Variants in GALR1 observed in about 807,000 individuals in gnomAD.
GALR1 encodes galanin receptor type 1.
Under a neutral mutation model 17.9 loss-of-function variants are expected in GALR1, and 11 were observed. The observed-to-expected ratio is 0.62, with a 90% CI of 0.39 to 1.02. The LOEUF (loss-of-function observed/expected upper bound fraction) is 1.02, where lower values mean the gene tolerates loss of function less well. GALR1 is among the 50% of genes least tolerant of loss of function. The probability of loss-of-function intolerance (pLI) is 0.01; values close to 1 mark genes in which losing one functional copy is unlikely to be tolerated. For missense variants in GALR1, 441 were observed against 456.9 expected, an observed-to-expected ratio of 0.97 and a Z score of 0.32; for synonymous variants, 206 against 205.7, an observed-to-expected ratio of 1.00 and a Z score of -0.01.
chr18:77,277,798 A>G lies in GALR1; in HGVS notation c.*8896A>G, dbSNP rs1472504564. ...TATTAATCCAGTTAATGCCAAATCTAGTCATCCTCCATCATCCTACCTCTG... is the reference window on the plus strand; with the variant it reads ...TATTAATCCAGTTAATGCCAAATCTGGTCATCCTCCATCATCCTACCTCTG... On this transcript the variant is annotated 3_prime_UTR_variant, in exon 3 of 3. Coordinates refer to ENST00000299727, the MANE Select transcript of GALR1 (RefSeq NM_001480.4). The G allele has an allele frequency of 1.3e-5, 2 of 152,216 alleles. No individual in the cohort carries two copies. The highest frequency in any genetic ancestry group is 2.9e-5 in the Non-Finnish European group (2 of 68,042). 9.4% of individuals were successfully genotyped at this position (152,216 alleles called of 1,614,324 possible).
chr18:77,263,589 C>A (rs117894977), intron 2 of GALR1, among the ~76,000 whole-genome samples: 2 of 152,288 alleles, frequency 1.3e-5, no homozygotes, highest in East Asian at 1.9e-4. Context: ...CGATAGGGAG[C>A]TTAACTCTCA....
chr18:77,256,328 C>T, intron 2 of GALR1, 105 bp downstream of exon 2: 1 of 665,232 alleles, frequency 1.5e-6, no homozygotes, highest in East Asian at 2.7e-5. Flanking sequence ...ACATTTAGGA[C>T]CCTTGGTGTG....
In GALR1 at chr18:77,273,222, G is replaced by T. The variant is rs2156641; in HGVS notation, c.*4320G>T. The T allele has an allele frequency of 0.9, 137,041 of 152,344 alleles. 62,222 individuals are homozygous for T. The highest frequency in any genetic ancestry group is 0.97 in the Non-Finnish European group (66,179 of 68,158). 9.4% of individuals were successfully genotyped at this position (152,344 alleles called of 1,614,324 possible). A position where few individuals can be genotyped will look rare whatever the true frequency, so the allele number is the denominator to read the frequency against. On this transcript the variant is annotated 3_prime_UTR_variant, in exon 3 of 3. Coordinates refer to ENST00000299727, the MANE Select transcript of GALR1 (RefSeq NM_001480.4). ...CTGTGGTGCCTGGTGCTACTCACAG[G>T]GCTGACTCACGGGCAGATGCTCCCC...
intron 1 of GALR1, among the ~76,000 whole-genome samples, chr18:77,254,354 A>T (rs1041870981): frequency 1.3e-5 from 2 of 152,192 alleles, no homozygotes; most frequent in African/African-American, 4.8e-5. Context: ...ATAAAAATAG[A>T]CTTGAGTATT....
intron 1 of GALR1, among the ~76,000 whole-genome samples, chr18:77,252,923 T>TCACCAC: frequency 1.2e-5 from 1 of 84,688 alleles, no homozygotes; most frequent in East Asian, 4.0e-4. Flanking sequence ...ACCACCACCA[T>TCACCAC]CACCACCACC....
chr18:77,250,234 C>A lies in GALR1; in HGVS notation c.-315C>A, dbSNP rs1167178222. On this transcript the variant is annotated 5_prime_UTR_variant, in exon 1 of 3. Transcript: ENST00000299727. ...CAGCCGGCGGATCCCTCTTCCCAGG[C>A]TCCGTGGTCGCGCAGCGGGCGGAGG... Among the ~76,000 whole-genome samples the A allele has an allele frequency of 6.6e-6, 1 of 152,108 alleles. No homozygotes were observed. Among genetic ancestry groups the A allele is most frequent in the Non-Finnish European group, 1.5e-5 (1 of 68,000 alleles).
At chr18:77,258,833 A>G (rs1043670745) in intron 2 of GALR1, among the ~76,000 whole-genome samples, 8 of 81,868 alleles carry the variant, frequency 9.8e-5, no homozygotes, top group African/African-American at 1.7e-4. Context: ...GGTGCTGGTG[A>G]TGGTGGTGAT....
intron 2 of GALR1, among the ~76,000 whole-genome samples, chr18:77,266,161 T>C (rs1912940635): frequency 6.6e-6 from 1 of 152,180 alleles, no homozygotes; most frequent in Non-Finnish European, 1.5e-5. Flanking sequence ...AAGTTCAAAG[T>C]TCCACAGATC....
intron 2 of GALR1, among the ~76,000 whole-genome samples, chr18:77,266,008 A>G (rs1406666213): frequency 6.6e-6 from 1 of 152,188 alleles, no homozygotes. Flanking sequence ...TTATTTATGC[A>G]AATTTCTGCA....
At position 77,250,926 on chromosome 18, in the gene GALR1, G is replaced by C; in HGVS notation, c.378G>C (p.Leu126=). 1 of 1,604,944 alleles carries C rather than the reference G, an allele frequency of 6.2e-7. No homozygotes were observed. Among genetic ancestry groups the C allele is most frequent in the Non-Finnish European group, 8.5e-7 (1 of 1,179,956 alleles). ...CCATGCTGGTGAGCATCTTCACCCT[G>C]GCCGCGATGTCCGTGGACCGCTACG... is the stretch of plus-strand genomic sequence containing the variant. ...TVSMLVSIFT[L]AAMSVDRYVA... Residue 126 remains leucine, a synonymous_variant, in exon 1 of 3, where the codon CTG becomes CTC. Transcript: ENST00000299727.
At position 77,268,898 on chromosome 18, in the gene GALR1, T is replaced by TG; in HGVS notation, c.1047dup (p.Ter350ValfsTer26). 1 of 1,606,586 alleles carries TG rather than the reference T, an allele frequency of 6.2e-7. No individual in the cohort carries two copies. ...CCACCATCAACCAATTGTACTCATG[T>TG]GTGATAAAAGATAGAGTATCCTTAT... On this transcript the variant is annotated frameshift_variant, in exon 3 of 3. Coordinates refer to ENST00000299727, the MANE Select transcript of GALR1 (RefSeq NM_001480.4). LOFTEE classifies it high-confidence loss of function.
intron 2 of GALR1, among the ~76,000 whole-genome samples, chr18:77,258,950 C>CATGGTGGTCATGGTGGTGATG (rs1912715160): frequency 1.1e-5 from 1 of 91,984 alleles, no homozygotes; most frequent in East Asian, 3.4e-4. Context: ...TGATGGTGGT[C>CATGGTGGTCATGGTGGTGATG]ATGGTGGTCA....
chr18:77,252,920 C>T (rs955939437), intron 1 of GALR1, among the ~76,000 whole-genome samples: 60 of 59,410 alleles, frequency 1.0e-3, no homozygotes, highest in East Asian at 1.9e-3. Flanking sequence ...ACCACCACCA[C>T]CATCACCACC....
In GALR1 at chr18:77,273,805, G is replaced by A. The variant is rs1001086057; in HGVS notation, c.*4903G>A. 56 of 152,128 alleles carry A rather than the reference G, an allele frequency of 3.7e-4. No individual in the cohort carries two copies. The highest frequency in any genetic ancestry group is 1.3e-3 in the African/African-American group (52 of 41,430). The allele number at this position is 152,128 out of a possible 1,614,324, so 9.4% of individuals were successfully genotyped here. A position where few individuals can be genotyped will look rare whatever the true frequency, so the allele number is the denominator to read the frequency against. On this transcript the variant is annotated 3_prime_UTR_variant, in exon 3 of 3. Transcript: ENST00000299727. ...AGCTGAACTGTTAGCTCAAGATTTCGTTGGCACTGTTGGATAGAAAGCCTC... is the reference window on the plus strand; with the variant it reads ...AGCTGAACTGTTAGCTCAAGATTTCATTGGCACTGTTGGATAGAAAGCCTC...
At chr18:77,261,000 G>GTT (rs35156015) in intron 2 of GALR1, among the ~76,000 whole-genome samples, 1 of 145,600 alleles carries the variant, frequency 6.9e-6, no homozygotes, top group African/African-American at 2.6e-5. Context: ...AATTTGTGAG[G>GTT]TTTTTTTTTT....
In GALR1 at chr18:77,273,979, AGTG is replaced by A. The variant is rs1258422094; in HGVS notation, c.*5081_*5083del. On this transcript the variant is annotated 3_prime_UTR_variant, in exon 3 of 3. Transcript: ENST00000299727. ...CTGTTTAAATTTTTGACTCTCAGGT[AGTG>A]GTGATCGTTATGGTAACCCATGAAC... The A allele has an allele frequency of 6.6e-6, 1 of 152,206 alleles. No individual in the cohort carries two copies. Among genetic ancestry groups the A allele is most frequent in the Non-Finnish European group, 1.5e-5 (1 of 68,048 alleles). 9.4% of individuals were successfully genotyped at this position (152,206 alleles called of 1,614,324 possible).
At chr18:77,266,911 A>T (rs1265135459) in intron 2 of GALR1, among the ~76,000 whole-genome samples, 1 of 152,236 alleles carries the variant, frequency 6.6e-6, no homozygotes, top group Non-Finnish European at 1.5e-5. Context: ...GCCAAACCAT[A>T]TCAGTGGGAT....
chr18:77,257,457 C>A (rs1026139672), intron 2 of GALR1, among the ~76,000 whole-genome samples: 1 of 152,144 alleles, frequency 6.6e-6, no homozygotes, highest in African/African-American at 2.4e-5. Context: ...GGCATCTAGG[C>A]CCCGCATTAG....
In GALR1 at chr18:77,275,648, C is replaced by T. The variant is rs180685192; in HGVS notation, c.*6746C>T. 8.5e-5 allele frequency: 13 copies of T among 152,270 alleles called. No individual in the cohort carries two copies. Among genetic ancestry groups the T allele is most frequent in the African/African-American group, 2.6e-4 (11 of 41,550 alleles). The allele number at this position is 152,270 out of a possible 1,614,324, so 9.4% of individuals were successfully genotyped here. A position where few individuals can be genotyped will look rare whatever the true frequency, so the allele number is the denominator to read the frequency against. ...TGGGAGTGGGGCTAAATGTGTTGCT[C>T]TTCAGTGGAAATCTGCCCATTTTGT... is the stretch of plus-strand genomic sequence containing the variant. On this transcript the variant is annotated 3_prime_UTR_variant, in exon 3 of 3. Coordinates refer to ENST00000299727, the MANE Select transcript of GALR1 (RefSeq NM_001480.4).
Sources: allele counts gnomAD v4.1 joint callset (sites outside exome capture counted in the v4.1 genomes callset), GRCh38; gene constraint gnomAD v4.1.1; transcripts MANE v1.5; gene names NCBI Gene and HGNC (gene_info 2026-07-23, HGNC 2026-07-21).